Variants in PPP1R1C observed in about 807,000 individuals in gnomAD.
PPP1R1C encodes protein phosphatase 1 regulatory inhibitor subunit 1C.
In PPP1R1C, 15 loss-of-function variants were observed where a neutral mutation model predicts 17.4. The observed-to-expected ratio is 0.86, with a 90% CI of 0.58 to 1.33. PPP1R1C has a LOEUF of 1.33. Ranked by LOEUF, PPP1R1C falls within the 40% of genes most tolerant of loss-of-function variation. The pLI is 0.00. For synonymous variants in PPP1R1C, 35 were observed against 43.1 expected (o/e 0.81, Z 0.73); for missense variants, 143 against 130.0 (o/e 1.10, Z -0.48).
chr2:182,091,031 T>G (rs1688764915), intron 4 of PPP1R1C, among the ~76,000 whole-genome samples: 1 of 152,196 alleles, frequency 6.6e-6, no homozygotes, highest in Non-Finnish European at 1.5e-5. Flanking sequence ...ATAAATGAGC[T>G]AATAGTTTTG....
intron 2 of PPP1R1C, among the ~76,000 whole-genome samples, chr2:182,055,399 CTA>C (rs1320319849): frequency 6.6e-6 from 1 of 152,178 alleles, no homozygotes. Flanking sequence ...GTAGCAAAAT[CTA>C]TGATATTTAC....
intron 1 of PPP1R1C, among the ~76,000 whole-genome samples, chr2:181,986,487 AAC>A (rs898044777): frequency 3.3e-5 from 5 of 152,322 alleles, no homozygotes; most frequent in African/African-American, 7.2e-5. Flanking sequence ...TCATTAAAAT[AAC>A]AGTTTCAACA....
At chr2:182,029,604 CTT>C (rs1686749572) in intron 2 of PPP1R1C, among the ~76,000 whole-genome samples, 1 of 135,436 alleles carries the variant, frequency 7.4e-6, no homozygotes, top group South Asian at 2.7e-4. Context: ...ATGGGCTTCC[CTT>C]TGAGGGTAAC....
intron 2 of PPP1R1C, among the ~76,000 whole-genome samples, chr2:181,979,631 G>T (rs143795188): frequency 3.7e-4 from 57 of 152,248 alleles, no homozygotes; most frequent in African/African-American, 1.3e-3. Context: ...GGGTATCGGG[G>T]TATCTACTTT....
intron 4 of PPP1R1C, among the ~76,000 whole-genome samples, chr2:182,112,979 A>C (rs1387307061): frequency 6.6e-6 from 1 of 152,194 alleles, no homozygotes; most frequent in Non-Finnish European, 1.5e-5. Flanking sequence ...CTTTTTTGTA[A>C]CTTATAGTAC....
intron 1 of PPP1R1C, among the ~76,000 whole-genome samples, chr2:181,956,588 C>G (rs966778729): frequency 6.6e-6 from 1 of 152,200 alleles, no homozygotes; most frequent in Non-Finnish European, 1.5e-5. Context: ...GATCGCCATT[C>G]TAACTGGTGT....
At chr2:181,996,698 C>A (rs112942147) in intron 2 of PPP1R1C, among the ~76,000 whole-genome samples, 1,668 of 152,232 alleles carry the variant, frequency 0.011, 11 homozygotes, top group Non-Finnish European at 0.017. Context: ...AATTTATAAT[C>A]TTTCATGTTT....
intron 4 of PPP1R1C, among the ~76,000 whole-genome samples, chr2:182,075,537 A>T (rs6711469): frequency 0.04 from 6,056 of 152,300 alleles, 414 homozygotes; most frequent in African/African-American, 0.14. Context: ...TGCAGGAGAT[A>T]TGAGAGCAGG....
chr2:182,100,113 A>G (rs1015113153), intron 4 of PPP1R1C, among the ~76,000 whole-genome samples: 4 of 152,216 alleles, frequency 2.6e-5, no homozygotes, highest in African/African-American at 7.2e-5. Context: ...TCAGTTCATC[A>G]TAAGTGTCAT....
chr2:182,086,974 T>A (rs1425633664), intron 4 of PPP1R1C, among the ~76,000 whole-genome samples: 1 of 151,714 alleles, frequency 6.6e-6, no homozygotes, highest in East Asian at 1.9e-4. Flanking sequence ...GTTAATGGCC[T>A]CTTCATCCTT....
At chr2:182,079,499 G>C (rs1379194523) in intron 4 of PPP1R1C, among the ~76,000 whole-genome samples, 1 of 152,178 alleles carries the variant, frequency 6.6e-6, no homozygotes, top group Admixed American at 6.5e-5. Context: ...TGAAGCCTGA[G>C]AATCTCAGTT....
At chr2:181,960,081 C>T (rs1249185906) in intron 1 of PPP1R1C, among the ~76,000 whole-genome samples, 1 of 152,092 alleles carries the variant, frequency 6.6e-6, no homozygotes, top group Non-Finnish European at 1.5e-5. Context: ...TTGTGGATAC[C>T]TGTATAAAGC....
In PPP1R1C at chr2:181,985,900, G is replaced by A; in HGVS notation, c.-211G>A. The A allele has an allele frequency of 1.7e-6, 1 of 598,108 alleles. No homozygotes were observed. Among genetic ancestry groups the A allele is most frequent in the Non-Finnish European group, 3.0e-6 (1 of 335,832 alleles). 37.1% of individuals were successfully genotyped at this position (598,108 alleles called of 1,614,324 possible). On this transcript the variant is annotated 5_prime_UTR_variant, in exon 1 of 5. Coordinates refer to ENST00000682840, the MANE Select transcript of PPP1R1C (RefSeq NM_001080545.3). The surrounding 1 kb of genome is among the most constrained non-coding windows in gnomAD (Gnocchi z 4.1). ...TGAGAGGATCCAAGGGATTGGTGGG[G>A]GAACAGGCAAGCCAGGCATCACCGT...
chr2:182,097,576 A>G (rs1688979425), intron 4 of PPP1R1C, among the ~76,000 whole-genome samples: 1 of 152,178 alleles, frequency 6.6e-6, no homozygotes, highest in Non-Finnish European at 1.5e-5. Flanking sequence ...TAGTCTTTCC[A>G]TGAAACTGGT....
intron 2 of PPP1R1C, among the ~76,000 whole-genome samples, chr2:182,041,746 G>A (rs1687191468): frequency 6.6e-6 from 1 of 151,972 alleles, no homozygotes; most frequent in Non-Finnish European, 1.5e-5. Context: ...TAGACCAAAG[G>A]GGTCATATAA....
At chr2:182,045,135 A>G (rs1434884696) in intron 2 of PPP1R1C, among the ~76,000 whole-genome samples, 1 of 152,206 alleles carries the variant, frequency 6.6e-6, no homozygotes, top group Non-Finnish European at 1.5e-5. Context: ...CCCTCAAGTA[A>G]ATTACATTTG....
At chr2:182,056,961 G>A (rs956544243) in intron 2 of PPP1R1C, among the ~76,000 whole-genome samples, 1 of 152,270 alleles carries the variant, frequency 6.6e-6, no homozygotes. Flanking sequence ...TTTTAAAAAT[G>A]GAAGTAATGG....
At chr2:182,052,762 A>G (rs920848645) in intron 2 of PPP1R1C, among the ~76,000 whole-genome samples, 4 of 152,362 alleles carry the variant, frequency 2.6e-5, no homozygotes, top group African/African-American at 9.6e-5. Context: ...TTGTTGTAAA[A>G]TTAATCGAAA....
Position 182,016,916 on chromosome 2 carries a change from T to C in PPP1R1C, c.142+29017T>C, listed in dbSNP as rs563159499. Among the ~76,000 whole-genome samples the C allele has an allele frequency of 1.1e-4, 16 of 152,348 alleles. No homozygotes were observed. The South Asian group carries it at 2.9e-3, about 28-fold the overall frequency. On this transcript the variant is annotated intron_variant, in intron 2 of 4. Coordinates refer to ENST00000682840, the MANE Select transcript of PPP1R1C (RefSeq NM_001080545.3). Reference sequence around the variant, plus strand: ...TAGGGTAGGCCCTAAAGTATCTAATTTGTGTGATTCATAGCCAAATTTCCA... The same window carrying C: ...TAGGGTAGGCCCTAAAGTATCTAATCTGTGTGATTCATAGCCAAATTTCCA...
Sources: gnomAD v4.1 joint callset for allele counts (sites outside exome capture counted in the v4.1 genomes callset) on GRCh38, gnomAD v4.1.1 for gene constraint, Gnocchi (gnomAD v3.1) non-coding constraint, MANE v1.5 for transcripts, NCBI Gene and HGNC (gene_info 2026-07-23, HGNC 2026-07-21) for gene names.